Variants in SYPL2 observed in about 807,000 individuals in gnomAD.
The protein encoded by SYPL2 is synaptophysin like 2, also known as synaptophysin-like protein 2.
A neutral mutation model predicts 31.3 loss-of-function variants in SYPL2; 24 were observed. The ratio of observed to expected loss-of-function variants is 0.77; its 90% CI spans 0.56 to 1.08. The LOEUF (loss-of-function observed/expected upper bound fraction) is 1.08. Ranked by LOEUF, SYPL2 falls within the 50% of genes least tolerant of loss-of-function variation. The pLI, the probability that SYPL2 is intolerant of heterozygous loss-of-function variation, is 0.00. For missense variants in SYPL2, 342 were observed against 360.1 expected (o/e 0.95, Z 0.41); for synonymous variants, 144 against 143.1 (o/e 1.01, Z -0.05).
At chr1:109,475,784 G>A in intron 3 of SYPL2, 79 bp downstream of exon 3, 1 of 1,549,196 alleles carries the variant, frequency 6.5e-7, no homozygotes, top group Non-Finnish European at 8.8e-7. Context: ...TCCTCCTCCA[G>A]AAACCTAAAA....
chr1:109,480,305 A>G lies in SYPL2; in HGVS notation c.*757A>G, dbSNP rs752197473. ...TTCTATCCCCTCAATCCTCCCACCC[A>G]CCAGGCTGGGGCACTTTCCACCAAC... On this transcript the variant is annotated 3_prime_UTR_variant, in exon 6 of 6. Coordinates refer to ENST00000369872, the MANE Select transcript of SYPL2 (RefSeq NM_001040709.2). 2.0e-5 allele frequency: 3 copies of G among 152,074 alleles called. No homozygotes were observed. Among genetic ancestry groups the G allele is most frequent in the Non-Finnish European group, 4.4e-5 (3 of 68,008 alleles). 9.4% of individuals were successfully genotyped at this position (152,074 alleles called of 1,614,324 possible).
intron 3 of SYPL2, among the ~76,000 whole-genome samples, chr1:109,476,417 G>A (rs1454498774): frequency 6.6e-6 from 1 of 152,214 alleles, no homozygotes; most frequent in Non-Finnish European, 1.5e-5. Flanking sequence ...GCACTTTCCA[G>A]AGGCAGAATG....
intron 2 of SYPL2, among the ~76,000 whole-genome samples, chr1:109,471,282 G>T (rs542459942): frequency 3.3e-5 from 5 of 152,286 alleles, no homozygotes; most frequent in African/African-American, 1.2e-4. Context: ...GGTACCATCC[G>T]ACTGTATAGT....
chr1:109,480,805 C>T lies in SYPL2; in HGVS notation c.*1257C>T, dbSNP rs1656139437. On this transcript the variant is annotated 3_prime_UTR_variant, in exon 6 of 6. Coordinates refer to ENST00000369872, the MANE Select transcript of SYPL2 (RefSeq NM_001040709.2). ...GGCCGATGCTATTGGTGCTTCTTCA[C>T]TTTGGGACCCAGTTCCATATTTGTC... The T allele has an allele frequency of 6.5e-6, 1 of 152,732 alleles. No homozygotes were observed. The highest frequency in any genetic ancestry group is 2.1e-4 in the South Asian group (1 of 4,834). The allele number at this position is 152,732 out of a possible 1,614,324, so 9.5% of individuals were successfully genotyped here.
At chr1:109,473,647 C>T (rs547793561) in intron 2 of SYPL2, among the ~76,000 whole-genome samples, 39 of 152,252 alleles carry the variant, frequency 2.6e-4, no homozygotes, top group African/African-American at 8.4e-4. Flanking sequence ...AATCCCAGCA[C>T]TTTGGGAGGT....
At position 109,480,190 on chromosome 1, in the gene SYPL2, T is replaced by C. The variant is rs1045455490; in HGVS notation, c.*642T>C. 1 of 152,206 alleles carries C rather than the reference T, an allele frequency of 6.6e-6. No homozygotes were observed. The highest frequency in any genetic ancestry group is 2.4e-5 in the African/African-American group (1 of 41,424). 9.4% of individuals were successfully genotyped at this position (152,206 alleles called of 1,614,324 possible). ...CCTTCAGAGGGTCCTGATGAGGCCTTCCTGGACTCAGCTGGGAGCAAGATA... is the reference window on the plus strand; with the variant it reads ...CCTTCAGAGGGTCCTGATGAGGCCTCCCTGGACTCAGCTGGGAGCAAGATA... On this transcript the variant is annotated 3_prime_UTR_variant, in exon 6 of 6. Transcript: ENST00000369872.
chr1:109,470,011 T>C (rs115451299), intron 2 of SYPL2, among the ~76,000 whole-genome samples: 1,725 of 151,792 alleles, frequency 0.011, 18 homozygotes, highest in Non-Finnish European at 0.018. Context: ...GGCTCTAAGA[T>C]AGAGACTGGC....
At chr1:109,467,247 A>C (rs1571056539) in intron 2 of SYPL2, 114 bp downstream of exon 2, 11 of 77,804 alleles carry the variant, frequency 1.4e-4, no homozygotes, top group Non-Finnish European at 1.7e-4. Flanking sequence ...CCACGGCGGA[A>C]GGGTGGGGGG....
chr1:109,471,588 T>G (rs1571060359), intron 2 of SYPL2, among the ~76,000 whole-genome samples: 1 of 152,220 alleles, frequency 6.6e-6, no homozygotes, highest in Non-Finnish European at 1.5e-5. Flanking sequence ...TGAATTTTTT[T>G]TTTTTTAGTA....
intron 2 of SYPL2, among the ~76,000 whole-genome samples, chr1:109,472,244 G>A (rs370626582): frequency 2.1e-4 from 32 of 152,058 alleles, no homozygotes; most frequent in Middle Eastern, 3.4e-3. Flanking sequence ...AGCCCCCAGA[G>A]TAGCTGGGAC....
At chr1:109,469,016 G>A (rs373835359) in intron 2 of SYPL2, among the ~76,000 whole-genome samples, 27 of 152,262 alleles carry the variant, frequency 1.8e-4, no homozygotes, top group East Asian at 1.3e-3. Flanking sequence ...TCATTCACAG[G>A]GTAGCATCAC....
intron 2 of SYPL2, among the ~76,000 whole-genome samples, chr1:109,467,762 C>T (rs1193715790): frequency 1.3e-5 from 2 of 152,284 alleles, no homozygotes; most frequent in Middle Eastern, 3.4e-3. Context: ...ATAAAAATCA[C>T]GGCATGGCTA....
At chr1:109,470,180 G>A (rs989740912) in intron 2 of SYPL2, among the ~76,000 whole-genome samples, 2 of 152,124 alleles carry the variant, frequency 1.3e-5, no homozygotes, top group Admixed American at 6.5e-5. Flanking sequence ...TGTAAAAATC[G>A]GGTCTTGCTA....
chr1:109,471,282 G>A (rs542459942), intron 2 of SYPL2, among the ~76,000 whole-genome samples: 2 of 152,170 alleles, frequency 1.3e-5, no homozygotes, highest in Non-Finnish European at 2.9e-5. Context: ...GGTACCATCC[G>A]ACTGTATAGT....
chr1:109,475,773 T>C (rs1308985437), intron 3 of SYPL2, 68 bp downstream of exon 3: 11 of 1,563,966 alleles, frequency 7.0e-6, no homozygotes, highest in Admixed American at 1.8e-5. Flanking sequence ...GCTTGGTCTC[T>C]TCCTCCTCCA....
chr1:109,479,347 A>G (rs1333442658), intron 5 of SYPL2, 31 bp from the exon 6 acceptor site: 3 of 1,609,310 alleles, frequency 1.9e-6, no homozygotes, highest in Non-Finnish European at 2.5e-6. Context: ...CCCCCTGACT[A>G]TTCTCACAAA....
At chr1:109,474,269 G>A (rs1249095535) in intron 2 of SYPL2, among the ~76,000 whole-genome samples, 1 of 151,762 alleles carries the variant, frequency 6.6e-6, no homozygotes, top group Non-Finnish European at 1.5e-5. Context: ...ATGATGTGGA[G>A]GATAAGACAT....
rs754646889 is a variant in SYPL2 at position 109,477,978 on chromosome 1, C to T, written c.617C>T (p.Thr206Met). The T allele has an allele frequency of 1.6e-5, 26 of 1,614,088 alleles. No homozygotes were observed. The highest frequency in any genetic ancestry group is 3.3e-5 in the Admixed American group (2 of 60,010). ...GEEAVCSAGA[T>M]PSMGLANISV... ...GAAGCAGTGTGCAGTGCCGGGGCCA[C>T]GCCCTCTATGGGCCTGGCCAACATC... The change falls in exon 5 of 6, where the codon ACG becomes ATG. Residue 206 changes from threonine to methionine, a missense_variant. Thr to Met is a moderately conservative substitution (Grantham distance 81, BLOSUM62 -1). Coordinates refer to ENST00000369872, the MANE Select transcript of SYPL2 (RefSeq NM_001040709.2).
chr1:109,476,986 G>T lies in SYPL2; in HGVS notation c.456+9G>T. 6.2e-7 allele frequency: 1 copy of T among 1,614,130 alleles called. No homozygotes were observed. The highest frequency in any genetic ancestry group is 8.5e-7 in the Non-Finnish European group (1 of 1,179,972). ...AACGCTTCCCGCTGGTGGTGAGTCA[G>T]CACAGGCCAGAAGGAATGGGGTGGA... On this transcript the variant is annotated intron_variant, in intron 4 of 5. Coordinates refer to ENST00000369872, the MANE Select transcript of SYPL2 (RefSeq NM_001040709.2).
Sources: allele counts gnomAD v4.1 joint callset (sites outside exome capture counted in the v4.1 genomes callset), GRCh38; gene constraint gnomAD v4.1.1; transcripts MANE v1.5; gene names NCBI Gene and HGNC (gene_info 2026-07-23, HGNC 2026-07-21).